Variants in ATP9B observed in about 807,000 individuals in gnomAD.
ATP9B encodes probable phospholipid-transporting ATPase IIB.
ATP9B carries 110 observed loss-of-function variants against 146.1 expected under a neutral mutation model. The ratio of observed to expected loss-of-function variants is 0.75; its 90% confidence interval spans 0.65 to 0.88. ATP9B has a LOEUF of 0.88. ATP9B is among the 40% of genes least tolerant of loss of function. The pLI is 0.00. For synonymous variants in ATP9B, 604 were observed against 569.7 expected (o/e 1.06, Z -0.86); for missense variants, 1,499 against 1,496.4 (o/e 1.00, Z -0.03).
In ATP9B at chr18:79,110,475, A is replaced by G. The variant is rs1270309286; in HGVS notation, c.414A>G (p.Gln138=). 1.2e-6 allele frequency: 2 copies of G among 1,613,512 alleles called. No individual in the cohort carries two copies. The highest frequency in any genetic ancestry group is 2.7e-5 in the African/African-American group (2 of 74,946). The change falls in exon 3 of 30, where the codon CAA becomes CAG. Residue 138 remains glutamine, a synonymous_variant. Coordinates refer to ENST00000426216, the MANE Select transcript of ATP9B (RefSeq NM_198531.5). The stretch of plus-strand genomic sequence containing the variant: ...ATCCCAGGAATTCTATAAAAAATCA[A>G]AAATACAATGTGTTTACCTTTATAC... The part of the protein sequence containing the change: ...EKHPRNSIKN[Q]KYNVFTFIPG...
At position 79,298,038 on chromosome 18, in the gene ATP9B, G is replaced by A. The variant is rs1022268681; in HGVS notation, c.1412-5566G>A. Among the ~76,000 whole-genome samples, 14 of 147,136 alleles carry A rather than the reference G, an allele frequency of 9.5e-5. 2 individuals carry two copies. Among genetic ancestry groups the A allele is most frequent in the South Asian group, 6.4e-4 (3 of 4,668 alleles). On this transcript the variant is annotated intron_variant, in intron 13 of 29. Coordinates refer to ENST00000426216, the MANE Select transcript of ATP9B (RefSeq NM_198531.5). ...CTCACTCTGTGTGATGGAGACGCAC[G>A]CTTTCCCTAGGTCAGGAAGGAAGCG...
intron 13 of ATP9B, among the ~76,000 whole-genome samples, chr18:79,302,410 G>A (rs1239225533): frequency 2.0e-5 from 3 of 150,956 alleles, no homozygotes; most frequent in African/African-American, 7.3e-5. Flanking sequence ...CCGGGGACAA[G>A]GTGAGAGCAC....
chr18:79,347,152 G>C (rs2096894238), intron 23 of ATP9B, among the ~76,000 whole-genome samples: 1 of 152,144 alleles, frequency 6.6e-6, no homozygotes, highest in South Asian at 2.1e-4. Flanking sequence ...TGTGGTTTGA[G>C]GTTCATCTTC....
rs372146149 is a variant in ATP9B, at chr18:79,359,512, G to A, written c.3012+50G>A. ...GCCTCACGACTAGCACCCACATCTA[G>A]CATTTTACACGAGTGAGAAACAGGC... On this transcript the variant is annotated intron_variant, in intron 26 of 29. Transcript: ENST00000426216. 21 of 1,400,070 alleles carry A rather than the reference G, an allele frequency of 1.5e-5. No individual in the cohort carries two copies. The African/African-American group carries it at 1.8e-4, about 12-fold the overall frequency. The allele number at this position is 1,400,070 out of a possible 1,614,324, so 86.7% of individuals were successfully genotyped here. A position where few individuals can be genotyped will look rare whatever the true frequency, so the allele number is the denominator to read the frequency against.
intron 3 of ATP9B, among the ~76,000 whole-genome samples, chr18:79,112,119 A>T (rs983600499): frequency 6.6e-6 from 1 of 152,210 alleles, no homozygotes; most frequent in Non-Finnish European, 1.5e-5. Flanking sequence ...TTGCCGTATG[A>T]TGATGCAGAT....
At chr18:79,266,706 T>C (rs1190744880) in intron 12 of ATP9B, among the ~76,000 whole-genome samples, 1 of 152,152 alleles carries the variant, frequency 6.6e-6, no homozygotes, top group Non-Finnish European at 1.5e-5. Context: ...TTTTTCATCT[T>C]TAAATTTTTC....
chr18:79,126,678 T>A (rs2094292733), intron 5 of ATP9B, among the ~76,000 whole-genome samples: 1 of 152,246 alleles, frequency 6.6e-6, no homozygotes, highest in African/African-American at 2.4e-5. Flanking sequence ...TATACGTATT[T>A]TCTGAGAGGC....
chr18:79,290,022 G>A (rs2096485772), intron 13 of ATP9B, among the ~76,000 whole-genome samples: 2 of 152,128 alleles, frequency 1.3e-5, no homozygotes, highest in East Asian at 1.9e-4. Flanking sequence ...GTCTGCCCCT[G>A]CTTGGGGGGT....
At chr18:79,290,742 T>A (rs1303901117) in intron 13 of ATP9B, among the ~76,000 whole-genome samples, 1 of 152,260 alleles carries the variant, frequency 6.6e-6, no homozygotes, top group Non-Finnish European at 1.5e-5. Flanking sequence ...GAGCTGTTCC[T>A]ATTCGGCTGT....
intron 8 of ATP9B, among the ~76,000 whole-genome samples, chr18:79,182,304 C>G (rs1347367775): frequency 6.6e-6 from 1 of 152,134 alleles, no homozygotes. Context: ...CTCCTCCGGC[C>G]GGACATACTC....
chr18:79,364,515 G>A (rs1013331768), intron 26 of ATP9B, among the ~76,000 whole-genome samples: 1 of 152,076 alleles, frequency 6.6e-6, no homozygotes, highest in Non-Finnish European at 1.5e-5. Flanking sequence ...ACAATTCGCC[G>A]CCCATGAGCA....
intron 11 of ATP9B, among the ~76,000 whole-genome samples, chr18:79,227,330 C>T (rs991368629): frequency 1.4e-5 from 2 of 147,818 alleles, no homozygotes; most frequent in Non-Finnish European, 3.0e-5. Context: ...TGTGTATTGC[C>T]ATACGCTGTT....
intron 9 of ATP9B, chr18:79,194,554 C>T (rs1319216443): frequency 1.3e-5 from 2 of 152,162 alleles, no homozygotes; most frequent in Non-Finnish European, 2.9e-5. Flanking sequence ...CGGAGGAAGC[C>T]ATTGAAGGAT....
intron 26 of ATP9B, among the ~76,000 whole-genome samples, chr18:79,370,700 T>A (rs775222645): frequency 6.6e-6 from 1 of 152,172 alleles, no homozygotes; most frequent in Non-Finnish European, 1.5e-5. Context: ...ATCTATAATA[T>A]CATCTGCTTC....
At chr18:79,325,528 A>G (rs1423076819) in intron 15 of ATP9B, among the ~76,000 whole-genome samples, 1 of 152,232 alleles carries the variant, frequency 6.6e-6, no homozygotes, top group South Asian at 2.1e-4. Context: ...ATCCTAAAAC[A>G]GTTGGCCTGT....
intron 13 of ATP9B, among the ~76,000 whole-genome samples, chr18:79,285,692 C>T (rs2096431196): frequency 6.6e-6 from 1 of 152,162 alleles, no homozygotes. Context: ...AGTCCTTGCC[C>T]ACGCCTATGC....
At chr18:79,245,587 GCC>G (rs2095938921) in intron 11 of ATP9B, among the ~76,000 whole-genome samples, 1 of 139,242 alleles carries the variant, frequency 7.2e-6, no homozygotes. Flanking sequence ...GGAGGGCACC[GCC>G]CTAATGACTG....
intron 1 of ATP9B, among the ~76,000 whole-genome samples, chr18:79,071,374 A>C (rs1193459759): frequency 1.5e-5 from 1 of 67,196 alleles, no homozygotes; most frequent in Non-Finnish European, 3.5e-5. Context: ...ACATACGCAT[A>C]TTTCCCCTTT....
chr18:79,266,268 T>C (rs2096202849), intron 12 of ATP9B, among the ~76,000 whole-genome samples: 1 of 152,148 alleles, frequency 6.6e-6, no homozygotes, highest in Non-Finnish European at 1.5e-5. Context: ...AACCATTTCC[T>C]CTCTTTTTGC....
Sources: gnomAD v4.1 joint callset for allele counts (sites outside exome capture counted in the v4.1 genomes callset) on GRCh38, gnomAD v4.1.1 for gene constraint, MANE v1.5 for transcripts, NCBI Gene and HGNC (gene_info 2026-07-23, HGNC 2026-07-21) for gene names.